The following ANXA3 variants were observed in gnomAD, a reference collection of about 807,000 sequenced individuals.
ANXA3 encodes annexin A3.
Under a neutral mutation model 48.8 loss-of-function variants are expected in ANXA3, and 46 were observed. That is an observed-to-expected ratio of 0.94 (90% CI 0.74 to 1.21). The LOEUF (loss-of-function observed/expected upper bound fraction) is 1.21. Ranked by LOEUF, ANXA3 falls within the 50% of genes most tolerant of loss-of-function variation. The pLI is 0.00. For synonymous variants in ANXA3, 128 were observed against 134.7 expected, an observed-to-expected ratio of 0.95 and a Z score of 0.35; for missense variants, 383 against 378.6, an observed-to-expected ratio of 1.01 and a Z score of -0.10.
At chr4:78,593,352 G>T (rs910090519) in intron 7 of ANXA3, among the ~76,000 whole-genome samples, 1 of 151,748 alleles carries the variant, frequency 6.6e-6, no homozygotes, top group Non-Finnish European at 1.5e-5. Context: ...ACAGGCACAC[G>T]CCACCACACC....
intron 3 of ANXA3, among the ~76,000 whole-genome samples, chr4:78,574,587 G>A (rs1390833615): frequency 6.6e-6 from 1 of 152,050 alleles, no homozygotes; most frequent in Non-Finnish European, 1.5e-5. Flanking sequence ...GTTATGCATG[G>A]TCTCAAACAG....
At chr4:78,575,803 A>C (rs183358554) in intron 3 of ANXA3, among the ~76,000 whole-genome samples, 1 of 152,366 alleles carries the variant, frequency 6.6e-6, no homozygotes, top group East Asian at 1.9e-4. Context: ...TAACGAAGTC[A>C]TAAAGTTAGA....
chr4:78,558,088 C>CT (rs2109923955), intron 2 of ANXA3, among the ~76,000 whole-genome samples: 1 of 152,316 alleles, frequency 6.6e-6, no homozygotes, highest in South Asian at 2.1e-4. Flanking sequence ...TCACATGCTA[C>CT]TATGTGGGTG....
At chr4:78,573,107 G>C (rs778955878) in intron 2 of ANXA3, 73 bp from the exon 3 acceptor site, 1 of 1,085,790 alleles carries the variant, frequency 9.2e-7, no homozygotes, top group South Asian at 1.2e-5. Context: ...TCATATGCAT[G>C]AAGGAATATG....
At chr4:78,555,466 A>G (rs1722491111) in intron 2 of ANXA3, among the ~76,000 whole-genome samples, 1 of 152,230 alleles carries the variant, frequency 6.6e-6, no homozygotes, top group African/African-American at 2.4e-5. Context: ...AAATTGGTTT[A>G]AAAAATGAAC....
intron 4 of ANXA3, among the ~76,000 whole-genome samples, chr4:78,580,730 T>C (rs2109936652): frequency 6.6e-6 from 1 of 152,336 alleles, no homozygotes; most frequent in African/African-American, 2.4e-5. Context: ...CTTTATCAGA[T>C]AACATATTAT....
At chr4:78,598,834 C>T (rs1723480546) in intron 10 of ANXA3, among the ~76,000 whole-genome samples, 1 of 152,106 alleles carries the variant, frequency 6.6e-6, no homozygotes, top group African/African-American at 2.4e-5. Flanking sequence ...GCCACCACCC[C>T]TGGCCTATAT....
At position 78,575,998 on chromosome 4, in the gene ANXA3, C is replaced by T. The variant is rs1033364556; in HGVS notation, c.103+2731C>T. Among the ~76,000 whole-genome samples, 37 of 152,182 alleles carry T rather than the reference C, an allele frequency of 2.4e-4. 3 individuals are homozygous for T. The highest frequency in any genetic ancestry group is 1.6e-3 in the Admixed American group (24 of 15,278). On this transcript the variant is annotated intron_variant, in intron 3 of 12. Transcript: ENST00000264908. ...CTCTTCCTTTTCACACTGATTTGTACGTAATATCACCTATGTTTTATGCTT... is the reference window on the plus strand; with the variant it reads ...CTCTTCCTTTTCACACTGATTTGTATGTAATATCACCTATGTTTTATGCTT...
At chr4:78,604,707 G>A (rs1299271359) in intron 12 of ANXA3, among the ~76,000 whole-genome samples, 1 of 151,974 alleles carries the variant, frequency 6.6e-6, no homozygotes, top group African/African-American at 2.4e-5. Context: ...ATTTATTTCA[G>A]TCTTTATGAC....
intron 2 of ANXA3, among the ~76,000 whole-genome samples, chr4:78,565,180 G>A (rs115300888): frequency 1.1e-3 from 161 of 152,128 alleles, no homozygotes; most frequent in African/African-American, 3.7e-3. Flanking sequence ...TTTTAGTAGA[G>A]GCAGAGTTTC....
At chr4:78,583,657 G>A (rs1407123877) in intron 5 of ANXA3, among the ~76,000 whole-genome samples, 1 of 151,820 alleles carries the variant, frequency 6.6e-6, no homozygotes, top group African/African-American at 2.4e-5. Flanking sequence ...AGAAGAATTG[G>A]TTACATGATT....
At chr4:78,578,298 C>CGAGAGCGAGAGAGAGA (rs1451574068) in intron 3 of ANXA3, among the ~76,000 whole-genome samples, 2 of 46,506 alleles carry the variant, frequency 4.3e-5, no homozygotes, top group African/African-American at 1.6e-4. Context: ...AGAGAGAGAG[C>CGAGAGCGAGAGAGAGA]GAGAGAGAGA....
At chr4:78,592,850 C>T (rs921282768) in intron 7 of ANXA3, among the ~76,000 whole-genome samples, 1 of 152,044 alleles carries the variant, frequency 6.6e-6, no homozygotes, top group Non-Finnish European at 1.5e-5. Flanking sequence ...GCATTTATGT[C>T]ATTGGAGCGA....
chr4:78,572,945 A>C, intron 2 of ANXA3: 1 of 609,178 alleles, frequency 1.6e-6, no homozygotes, highest in Admixed American at 2.1e-5. Flanking sequence ...CACACCCAGG[A>C]ATGAGCAAAG....
chr4:78,578,298 C>CGAGAGTGAGAGAGAGA (rs1451574068), intron 3 of ANXA3, among the ~76,000 whole-genome samples: 4,265 of 46,574 alleles, frequency 0.092, 273 homozygotes, highest in East Asian at 0.32. Context: ...AGAGAGAGAG[C>CGAGAGTGAGAGAGAGA]GAGAGAGAGA....
At chr4:78,567,592 T>A (rs1351142225) in intron 2 of ANXA3, among the ~76,000 whole-genome samples, 1 of 152,258 alleles carries the variant, frequency 6.6e-6, no homozygotes, top group East Asian at 1.9e-4. Flanking sequence ...AACAGTAAAT[T>A]TTTTGTAACA....
rs77890881 is a variant in ANXA3 at position 78,590,916 on chromosome 4, T to A, written c.404-628T>A. Among the ~76,000 whole-genome samples, 1,180 of 152,272 alleles carry A rather than the reference T, an allele frequency of 7.7e-3. 6 individuals are homozygous for A. Among genetic ancestry groups the A allele is most frequent in the Middle Eastern group, 0.02 (6 of 294 alleles). On this transcript the variant is annotated intron_variant, in intron 6 of 12. Transcript: ENST00000264908. ...ACAGCTACTCAAAGCTTTTAGGAACTCAGACTTCTTCTTGATTACTTTTAT... is the reference window on the plus strand; with the variant it reads ...ACAGCTACTCAAAGCTTTTAGGAACACAGACTTCTTCTTGATTACTTTTAT...
intron 6 of ANXA3, among the ~76,000 whole-genome samples, chr4:78,587,691 A>G (rs1031865524): frequency 6.6e-6 from 1 of 152,228 alleles, no homozygotes; most frequent in African/African-American, 2.4e-5. Flanking sequence ...GTTAGAAGGT[A>G]AATACCTCAA....
intron 2 of ANXA3, among the ~76,000 whole-genome samples, chr4:78,556,411 G>A (rs534084857): frequency 6.6e-5 from 10 of 152,000 alleles, no homozygotes; most frequent in East Asian, 1.9e-4. Context: ...AAAAATTTAC[G>A]GAAAGACTAT....
Sources: allele counts gnomAD v4.1 joint callset (sites outside exome capture counted in the v4.1 genomes callset), GRCh38; gene constraint gnomAD v4.1.1; transcripts MANE v1.5; gene names NCBI Gene and HGNC (gene_info 2026-07-23, HGNC 2026-07-21).